Variants in MXI1 observed in about 807,000 individuals in gnomAD.
MXI1 encodes the protein max-interacting protein 1.
In MXI1, 18 loss-of-function variants were observed where a neutral mutation model predicts 36.9. The ratio of observed to expected loss-of-function variants is 0.49; its 90% confidence interval spans 0.34 to 0.72. The LOEUF (loss-of-function observed/expected upper bound fraction) is 0.72. Among genes scored for constraint, MXI1 ranks in the 30% least tolerant of loss-of-function variants. The pLI is 0.01. For synonymous variants in MXI1, 160 were observed against 146.7 expected (o/e 1.09, Z -0.65); for missense variants, 304 against 379.1 (o/e 0.80, Z 1.64).
Position 110,284,859 on chromosome 10 carries a change from T to G in MXI1, c.760T>G (p.Ser254Ala). 6.2e-7 allele frequency: 1 copy of G among 1,612,466 alleles called. No individual in the cohort carries two copies. The highest frequency in any genetic ancestry group is 8.5e-7 in the Non-Finnish European group (1 of 1,179,456). The change falls in exon 6 of 6, where the codon TCC (serine) becomes GCC (alanine). Residue 254 changes from serine (S) to alanine (A), a missense_variant. By Grantham distance (99) the Ser-to-Ala change is moderately conservative. Around this residue, in one of 2 missense-constraint regions of MXI1, gnomAD observed 125 missense variants for 194.3 expected, o/e 0.64. Coordinates refer to ENST00000332674, the MANE Select transcript of MXI1 (RefSeq NM_130439.3). ...AGTGGATGTTGAAAGCACAGAGTTCTCCCATGGAGAAGTGGACAATATAAG... is the reference window on the plus strand; with the variant it reads ...AGTGGATGTTGAAAGCACAGAGTTCGCCCATGGAGAAGTGGACAATATAAG... ...IEVDVESTEF[S>A]HGEVDNISTT...
intron 3 of MXI1, among the ~76,000 whole-genome samples, chr10:110,269,896 C>T (rs895470081): frequency 6.6e-6 from 1 of 152,128 alleles, no homozygotes; most frequent in East Asian, 1.9e-4. Flanking sequence ...ATTAAATCAG[C>T]CAATGGGGGC....
chr10:110,254,490 A>G (rs1369285876), intron 3 of MXI1, among the ~76,000 whole-genome samples: 1 of 152,186 alleles, frequency 6.6e-6, no homozygotes, highest in African/African-American at 2.4e-5. Flanking sequence ...AAAGAGTCAC[A>G]TGTATTTCAC....
intron 3 of MXI1, among the ~76,000 whole-genome samples, chr10:110,251,815 A>G (rs1856101522): frequency 6.6e-6 from 1 of 152,166 alleles, no homozygotes; most frequent in African/African-American, 2.4e-5. Context: ...GTAGCATCAT[A>G]AGCTGTGTTC....
rs542492891 is a variant in MXI1 at position 110,230,564 on chromosome 10, C to T, written c.407+2243C>T. On this transcript the variant is annotated intron_variant, in intron 2 of 5. Transcript: ENST00000332674. ...GATCCACCAATGTGTGGGTTTTGGGCTGGGGCTTATGAGAGAGAACTAGTA... is the reference window on the plus strand; with the variant it reads ...GATCCACCAATGTGTGGGTTTTGGGTTGGGGCTTATGAGAGAGAACTAGTA... Among the ~76,000 whole-genome samples the T allele has an allele frequency of 2.6e-5, 4 of 152,158 alleles. No individual in the cohort carries two copies. In the South Asian group the frequency reaches 8.3e-4, roughly 32 times the overall value.
At chr10:110,256,210 A>G (rs1386174893) in intron 3 of MXI1, among the ~76,000 whole-genome samples, 1 of 152,208 alleles carries the variant, frequency 6.6e-6, no homozygotes, top group Non-Finnish European at 1.5e-5. Context: ...CTTAGAATAA[A>G]ACATAAGTGT....
intron 3 of MXI1, among the ~76,000 whole-genome samples, chr10:110,275,105 C>A (rs1295529395): frequency 6.6e-6 from 1 of 152,042 alleles, no homozygotes. Flanking sequence ...GAACTCCTGA[C>A]CTCAGAAGAT....
intron 1 of MXI1, among the ~76,000 whole-genome samples, chr10:110,217,621 G>A (rs918186545): frequency 2.6e-4 from 39 of 152,242 alleles, no homozygotes; most frequent in African/African-American, 8.7e-4. Context: ...TCTGCCAGTG[G>A]TACTGAGCTA....
rs576152068 is a variant in MXI1 at position 110,273,133 on chromosome 10, C to T, written c.438-6047C>T. On this transcript the variant is annotated intron_variant, in intron 3 of 5. Coordinates refer to ENST00000332674, the MANE Select transcript of MXI1 (RefSeq NM_130439.3). Reference sequence around the variant, plus strand: ...TGCGATCTCGGCTCACTGCAACCTCCGCCTCCCAGTTTCAAGCAACTCTCC... The same window carrying T: ...TGCGATCTCGGCTCACTGCAACCTCTGCCTCCCAGTTTCAAGCAACTCTCC... Among the ~76,000 whole-genome samples, 22 of 150,922 alleles carry T rather than the reference C, an allele frequency of 1.5e-4. No homozygotes were observed. The East Asian group carries it at 3.1e-3, about 21-fold the overall frequency.
chr10:110,275,980 T>C (rs2134462044), intron 3 of MXI1, among the ~76,000 whole-genome samples: 1 of 152,316 alleles, frequency 6.6e-6, no homozygotes, highest in South Asian at 2.1e-4. Flanking sequence ...AAAATATCTT[T>C]TAGAGCATTC....
At chr10:110,255,769 A>C (rs551839416) in intron 3 of MXI1, among the ~76,000 whole-genome samples, 3 of 152,294 alleles carry the variant, frequency 2.0e-5, no homozygotes, top group East Asian at 1.9e-4. Context: ...GATTCAGTGC[A>C]AGCCCTATGA....
At chr10:110,274,484 T>G (rs1278685688) in intron 3 of MXI1, among the ~76,000 whole-genome samples, 2 of 152,228 alleles carry the variant, frequency 1.3e-5, no homozygotes, top group Non-Finnish European at 2.9e-5. Flanking sequence ...AATTCTAACT[T>G]TGTTTTACTA....
At chr10:110,225,308 G>A (rs766225988) in intron 1 of MXI1, among the ~76,000 whole-genome samples, 33 of 152,252 alleles carry the variant, frequency 2.2e-4, no homozygotes, top group Middle Eastern at 6.8e-3. Context: ...AAACTGTTCC[G>A]CACCAGGGAG....
chr10:110,255,345 C>G (rs1258525684), intron 3 of MXI1, among the ~76,000 whole-genome samples: 2 of 152,182 alleles, frequency 1.3e-5, no homozygotes, highest in Non-Finnish European at 1.5e-5. Context: ...GACAATACAC[C>G]TGGTTACCCA....
intron 2 of MXI1, among the ~76,000 whole-genome samples, chr10:110,240,320 C>G (rs887444894): frequency 1.3e-5 from 2 of 151,826 alleles, no homozygotes; most frequent in Admixed American, 6.6e-5. Context: ...ATATATCCAG[C>G]TTTGATATGT....
At chr10:110,255,509 T>C (rs1216045824) in intron 3 of MXI1, among the ~76,000 whole-genome samples, 1 of 152,162 alleles carries the variant, frequency 6.6e-6, no homozygotes, top group East Asian at 1.9e-4. Context: ...CTGCCATAGA[T>C]AGTGAATCTT....
At chr10:110,242,809 G>A (rs2134388854) in intron 2 of MXI1, among the ~76,000 whole-genome samples, 2 of 152,058 alleles carry the variant, frequency 1.3e-5, no homozygotes, top group African/African-American at 4.8e-5. Context: ...CAGTGGGATT[G>A]CCAGACTGTT....
intron 1 of MXI1, among the ~76,000 whole-genome samples, chr10:110,220,061 GACCATTGCTTTA>G (rs1232149048): frequency 3.3e-5 from 5 of 152,216 alleles, no homozygotes; most frequent in Non-Finnish European, 7.3e-5. Flanking sequence ...CCTTGGTTGA[GACCATTGCTTTA>G]ACCAATTTCG....
At chr10:110,246,552 T>C (rs1855870228) in intron 3 of MXI1, among the ~76,000 whole-genome samples, 1 of 152,194 alleles carries the variant, frequency 6.6e-6, no homozygotes, top group Non-Finnish European at 1.5e-5. Flanking sequence ...CTTTGCACAG[T>C]GCTGTGTTCT....
At chr10:110,256,516 T>C (rs1856299029) in intron 3 of MXI1, among the ~76,000 whole-genome samples, 1 of 135,282 alleles carries the variant, frequency 7.4e-6, no homozygotes, top group Non-Finnish European at 1.5e-5. Flanking sequence ...GGCAGGAGAA[T>C]CACTTGAACC....
Sources: allele counts gnomAD v4.1 joint callset (sites outside exome capture counted in the v4.1 genomes callset), GRCh38; gene constraint gnomAD v4.1.1; regional missense constraint gnomAD v4.1.1; transcripts MANE v1.5; gene names NCBI Gene and HGNC (gene_info 2026-07-23, HGNC 2026-07-21).